Variants in MIDN observed in about 807,000 individuals in gnomAD.
MIDN encodes midbrain nucleolar protein.
A neutral mutation model predicts 46.1 loss-of-function variants in MIDN; 26 were observed. That is an observed-to-expected ratio of 0.56 (90% CI 0.41 to 0.78). The LOEUF is 0.78. Ranked by LOEUF, MIDN falls within the 30% of genes least tolerant of loss-of-function variation. MIDN has a pLI of 0.00. For synonymous variants in MIDN, 432 were observed against 343.3 expected (o/e 1.26, Z -2.86); for missense variants, 850 against 771.8 (o/e 1.10, Z -1.20).
chr19:1,252,866 G>T (rs117245593), intron 4 of MIDN, among the ~76,000 whole-genome samples: 1 of 152,022 alleles, frequency 6.6e-6, no homozygotes, highest in Non-Finnish European at 1.5e-5. Context: ...CAGCAGTGGC[G>T]TGGGGGCAGA....
chr19:1,249,223 G>A (rs1368515105), intron 1 of MIDN, among the ~76,000 whole-genome samples: 1 of 148,086 alleles, frequency 6.8e-6, no homozygotes, highest in African/African-American at 2.4e-5. Flanking sequence ...GGGGCCCCCG[G>A]CGGCAGCCAC....
rs987730252 is a variant in MIDN at position 1,258,065 on chromosome 19, C to G, written c.*793C>G. On this transcript the variant is annotated 3_prime_UTR_variant, in exon 9 of 9. Transcript: ENST00000682408. ...CCCCCAGCCTGCCCTCCGCCCCGCC[C>G]CAGCCGGCGGACTGTGCTGTTTCCT... The G allele has an allele frequency of 6.6e-6, 1 of 152,548 alleles. No homozygotes were observed. Among genetic ancestry groups the G allele is most frequent in the African/African-American group, 2.4e-5 (1 of 41,462 alleles). The allele number at this position is 152,548 out of a possible 1,614,324, so 9.4% of individuals were successfully genotyped here.
At chr19:1,254,600 C>T (rs1599985629) in intron 6 of MIDN, 122 bp downstream of exon 6, 10 of 1,075,798 alleles carry the variant, frequency 9.3e-6, no homozygotes, top group South Asian at 1.4e-5. Flanking sequence ...TAAGGGCTAT[C>T]CTGTGACCTC....
chr19:1,249,801 A>C (rs1194296431), intron 1 of MIDN, 89 bp from the exon 2 acceptor site: 2 of 150,558 alleles, frequency 1.3e-5, no homozygotes, highest in Non-Finnish European at 3.0e-5. Context: ...CGGCCGGCGG[A>C]GTAAGTAGTG....
chr19:1,249,216 GC>G (rs2081091067), intron 1 of MIDN, among the ~76,000 whole-genome samples: 1 of 147,978 alleles, frequency 6.8e-6, no homozygotes, highest in Non-Finnish European at 1.5e-5. Context: ...GGCGCGCGGG[GC>G]CCCCGGCGGC....
intron 4 of MIDN, among the ~76,000 whole-genome samples, chr19:1,252,523 C>T (rs2081144031): frequency 1.3e-5 from 2 of 151,226 alleles, no homozygotes; most frequent in Non-Finnish European, 2.9e-5. Context: ...GGCCCTCACC[C>T]GGTTCCCGGT....
In MIDN at chr19:1,254,576, T is replaced by C. The variant is rs1410246953; in HGVS notation, c.825+98T>C. 6 of 1,296,042 alleles carry C rather than the reference T, an allele frequency of 4.6e-6. No homozygotes were observed. In the South Asian group the frequency reaches 5.1e-5, roughly 11 times the overall value. The allele number at this position is 1,296,042 out of a possible 1,614,324, so 80.3% of individuals were successfully genotyped here. A position where few individuals can be genotyped will look rare whatever the true frequency, so the allele number is the denominator to read the frequency against. On this transcript the variant is annotated intron_variant, in intron 6 of 8. Coordinates refer to ENST00000682408, the MANE Select transcript of MIDN (RefSeq NM_001388306.1). The stretch of plus-strand genomic sequence containing the variant: ...GAGGACAAGGACTCTTAGTCCCAGG[T>C]GAGTCCCTTGTATTAAGGGCTATCC...
chr19:1,250,942 C>A (rs1265742337), intron 2 of MIDN, among the ~76,000 whole-genome samples: 1 of 151,946 alleles, frequency 6.6e-6, no homozygotes, highest in Non-Finnish European at 1.5e-5. Context: ...CGCCTCCGAG[C>A]GCTCCCCGCA....
In MIDN at chr19:1,250,132, G is replaced by C. The variant is rs866037496; in HGVS notation, c.-165G>C. The stretch of plus-strand genomic sequence containing the variant: ...GAGCGCCACTCGGATTTTGGATTTC[G>C]GTCTCGCATTCCGCGGCCGGGACTT... On this transcript the variant is annotated 5_prime_UTR_variant, in exon 2 of 9. Coordinates refer to ENST00000682408, the MANE Select transcript of MIDN (RefSeq NM_001388306.1). 1 of 168,292 alleles carries C rather than the reference G, an allele frequency of 5.9e-6. No individual in the cohort carries two copies. The highest frequency in any genetic ancestry group is 2.4e-5 in the African/African-American group (1 of 41,662). The allele number at this position is 168,292 out of a possible 1,614,324, so 10.4% of individuals were successfully genotyped here. A position where few individuals can be genotyped will look rare whatever the true frequency, so the allele number is the denominator to read the frequency against.
rs766523114 is a variant in MIDN at position 1,254,493 on chromosome 19, G to A, written c.825+15G>A. The A allele has an allele frequency of 1.3e-6, 2 of 1,542,520 alleles. No individual in the cohort carries two copies. The highest frequency in any genetic ancestry group is 2.4e-5 in the East Asian group (1 of 41,556). Reference sequence around the variant, plus strand: ...CCTGCCCGGAGGTGAGCCTGGGGAAGGGAAGGGTGACCCTTGGTTGGAATC... The same window carrying A: ...CCTGCCCGGAGGTGAGCCTGGGGAAAGGAAGGGTGACCCTTGGTTGGAATC... On this transcript the variant is annotated intron_variant, in intron 6 of 8. Coordinates refer to ENST00000682408, the MANE Select transcript of MIDN (RefSeq NM_001388306.1).
rs375205066 is a variant in MIDN, at chr19:1,251,880, C to T, written c.363C>T (p.Leu121=). 5 of 1,613,294 alleles carry T rather than the reference C, an allele frequency of 3.1e-6. No individual in the cohort carries two copies. In the East Asian group the frequency reaches 8.9e-5, roughly 29 times the overall value. Residue 121 remains leucine (L), a synonymous_variant, in exon 4 of 9, where the codon CTC becomes CTT. Transcript: ENST00000682408. ...CGGAACAGTCCGTGATGCAAGCTCT[C>T]GAGAGTCTCACGGAGACGCAGGTAA... The part of the protein sequence containing the change: ...SRPEQSVMQA[L]ESLTETQPPA...
chr19:1,251,860 C>A lies in MIDN; in HGVS notation c.343C>A (p.Gln115Lys), dbSNP rs2081133424. 6.2e-7 allele frequency: 1 copy of A among 1,613,432 alleles called. No homozygotes were observed. Among genetic ancestry groups the A allele is most frequent in the Non-Finnish European group, 8.5e-7 (1 of 1,179,818 alleles). The change falls in exon 4 of 9, where the codon CAG (glutamine) becomes AAG (lysine). Residue 115 changes from glutamine (Q) to lysine (K), a missense_variant. By Grantham distance (53) the Gln-to-Lys change is moderately conservative. Coordinates refer to ENST00000682408, the MANE Select transcript of MIDN (RefSeq NM_001388306.1). The part of the protein sequence containing the change: ...GLMSQASRPE[Q>K]SVMQALESLT... ...GTAGTCTCAGGCCTCAAGGCCGGAA[C>A]AGTCCGTGATGCAAGCTCTCGAGAG... is the stretch of plus-strand genomic sequence containing the variant.
rs2081223247 is a variant in MIDN, at chr19:1,258,059, C to G, written c.*787C>G. On this transcript the variant is annotated 3_prime_UTR_variant, in exon 9 of 9. Coordinates refer to ENST00000682408, the MANE Select transcript of MIDN (RefSeq NM_001388306.1). ...ACTACCCCCCCAGCCTGCCCTCCGC[C>G]CCGCCCCAGCCGGCGGACTGTGCTG... The G allele has an allele frequency of 6.6e-6, 1 of 152,536 alleles. No homozygotes were observed. The highest frequency in any genetic ancestry group is 6.5e-5 in the Admixed American group (1 of 15,286). The allele number at this position is 152,536 out of a possible 1,614,324, so 9.4% of individuals were successfully genotyped here.
Position 1,251,640 on chromosome 19 carries a change from G to T in MIDN, c.312G>T (p.Ala104=), listed in dbSNP as rs769027981. The T allele has an allele frequency of 1.2e-6, 2 of 1,609,026 alleles. No homozygotes were observed. Among genetic ancestry groups the T allele is most frequent in the Non-Finnish European group, 1.7e-6 (2 of 1,178,226 alleles). ...TGACCTTGGTACCCACCGTGGAAGC[G>T]GGCCTCATGGTAAATGGCCATGGGG... ...SKLTLVPTVE[A]GLMSQASRPE... Residue 104 remains alanine, a synonymous_variant, in exon 3 of 9, where the codon GCG becomes GCT. Transcript: ENST00000682408.
At position 1,250,209 on chromosome 19, in the gene MIDN, G is replaced by T; in HGVS notation, c.-88G>T. The T allele has an allele frequency of 4.1e-6, 2 of 488,258 alleles. No individual in the cohort carries two copies. Among genetic ancestry groups the T allele is most frequent in the Non-Finnish European group, 5.3e-6 (2 of 375,640 alleles). 30.2% of individuals were successfully genotyped at this position (488,258 alleles called of 1,614,324 possible). On this transcript the variant is annotated 5_prime_UTR_variant, in exon 2 of 9. Coordinates refer to ENST00000682408, the MANE Select transcript of MIDN (RefSeq NM_001388306.1). ...CGCCCCCGAGTGCCCGGAGGACCCG[G>T]CATCCGGGGAGCCTCTCGCCCCTGT... is the stretch of plus-strand genomic sequence containing the variant.
chr19:1,253,588 A>C (rs1393082154), intron 4 of MIDN: 1 of 157,684 alleles, frequency 6.3e-6, no homozygotes, highest in Non-Finnish European at 1.4e-5. Context: ...CTCCAGCCCC[A>C]GGGCGGTCAG....
At chr19:1,252,314 G>T (rs769300920) in intron 4 of MIDN, among the ~76,000 whole-genome samples, 158 of 152,222 alleles carry the variant, frequency 1.0e-3, no homozygotes, top group Non-Finnish European at 1.9e-3. Context: ...GGGGGTGGCG[G>T]CTTGGGTGAC....
rs971142541 is a variant in MIDN at position 1,250,309 on chromosome 19, C to G, written c.13C>G (p.Pro5Ala). MEPQ[P>A]GGARSCRRGA... ...GCGCGCGCCGGGGATGGAGCCGCAGCCCGGCGGCGCCCGGAGCTGCCGGCG... is the reference window on the plus strand; with the variant it reads ...GCGCGCGCCGGGGATGGAGCCGCAGGCCGGCGGCGCCCGGAGCTGCCGGCG... The change falls in exon 2 of 9, where the codon CCC (proline) becomes GCC (alanine). Residue 5 changes from proline to alanine, a missense_variant. By Grantham distance (27) the Pro-to-Ala change is conservative. Coordinates refer to ENST00000682408, the MANE Select transcript of MIDN (RefSeq NM_001388306.1). The G allele has an allele frequency of 3.0e-5, 30 of 989,358 alleles. No homozygotes were observed. Among genetic ancestry groups the G allele is most frequent in the Non-Finnish European group, 3.2e-5 (27 of 833,786 alleles). The allele number at this position is 989,358 out of a possible 1,614,324, so 61.3% of individuals were successfully genotyped here.
chr19:1,255,692 C>G lies in MIDN; in HGVS notation c.1256C>G (p.Pro419Arg). 6.4e-7 allele frequency: 1 copy of G among 1,570,380 alleles called. No homozygotes were observed. Among genetic ancestry groups the G allele is most frequent in the Non-Finnish European group, 8.6e-7 (1 of 1,161,690 alleles). The change falls in exon 8 of 9, where the codon CCG becomes CGG. Residue 419 changes from proline to arginine, a missense_variant and splice_region_variant. By Grantham distance (103) the Pro-to-Arg change is moderately radical (BLOSUM62 -2). Coordinates refer to ENST00000682408, the MANE Select transcript of MIDN (RefSeq NM_001388306.1). ...AGCCAGATCCGCATGTGCAAGCCCC[C>G]GGGTGAGTGGCCACCCTCGGGGGTC... The part of the protein sequence containing the change: ...GQSQIRMCKP[P>R]GDRLRQTENR...
Sources: allele counts gnomAD v4.1 joint callset (sites outside exome capture counted in the v4.1 genomes callset), GRCh38; gene constraint gnomAD v4.1.1; transcripts MANE v1.5; gene names NCBI Gene and HGNC (gene_info 2026-07-23, HGNC 2026-07-21).